TBCK: variants seen among roughly 807,000 people sequenced by gnomAD.
The protein encoded by TBCK is TBC domain-containing protein kinase-like protein.
In TBCK, 99 loss-of-function variants were observed where a neutral mutation model predicts 113.4. The observed-to-expected ratio is 0.87, with a 90% CI of 0.74 to 1.03. The LOEUF (loss-of-function observed/expected upper bound fraction) is 1.03. Among genes scored for constraint, TBCK ranks in the 50% least tolerant of loss-of-function variants. The probability of loss-of-function intolerance (pLI) is 0.00; values close to 1 mark genes in which losing one functional copy is unlikely to be tolerated. For synonymous variants in TBCK, 369 were observed against 370.8 expected (o/e 1.00, Z 0.05); for missense variants, 1,045 against 1,061.3 (o/e 0.98, Z 0.21).
chr4:106,112,798 T>C (rs935866157), intron 24 of TBCK, among the ~76,000 whole-genome samples: 1 of 152,170 alleles, frequency 6.6e-6, no homozygotes, highest in Non-Finnish European at 1.5e-5. Flanking sequence ...AGTTAGAACA[T>C]CACTGTTTGA....
Position 106,170,950 on chromosome 4 carries a change from T to A in TBCK, c.2235+145A>T, listed in dbSNP as rs537237691. On this transcript the variant is annotated intron_variant, in intron 23 of 25. Transcript: ENST00000394708. ...TAGATATAATGGTTTTCTGGAATAT[T>A]TCTATGAATCAAATCATGTGTTAGA... 10 of 628,452 alleles carry A rather than the reference T, an allele frequency of 1.6e-5. No homozygotes were observed. In the East Asian group the frequency reaches 2.9e-4, roughly 18 times the overall value. The allele number at this position is 628,452 out of a possible 1,614,324, so 38.9% of individuals were successfully genotyped here. A position where few individuals can be genotyped will look rare whatever the true frequency, so the allele number is the denominator to read the frequency against.
At chr4:106,109,839 T>C (rs1742617665) in intron 24 of TBCK, among the ~76,000 whole-genome samples, 1 of 152,006 alleles carries the variant, frequency 6.6e-6, no homozygotes, top group Admixed American at 6.6e-5. Context: ...AAACAGACTG[T>C]AGGAGATTGG....
intron 24 of TBCK, among the ~76,000 whole-genome samples, chr4:106,112,725 T>TA (rs1743011602): frequency 6.6e-6 from 1 of 152,122 alleles, no homozygotes; most frequent in Non-Finnish European, 1.5e-5. Flanking sequence ...TTATCATACA[T>TA]ATTTGAGCCC....
chr4:106,234,442 G>T (rs1759225453), intron 15 of TBCK, among the ~76,000 whole-genome samples: 1 of 152,000 alleles, frequency 6.6e-6, no homozygotes, highest in Non-Finnish European at 1.5e-5. Flanking sequence ...AAATAGTTGA[G>T]GATTTCTAAA....
intron 25 of TBCK, among the ~76,000 whole-genome samples, chr4:106,084,253 G>A: frequency 6.6e-6 from 1 of 152,132 alleles, no homozygotes; most frequent in East Asian, 1.9e-4. Context: ...ACGACCTGAA[G>A]GGGCTGGAAA....
At chr4:106,109,567 A>G (rs890815351) in intron 24 of TBCK, among the ~76,000 whole-genome samples, 1 of 152,248 alleles carries the variant, frequency 6.6e-6, no homozygotes, top group African/African-American at 2.4e-5. Context: ...ATAACTGGCT[A>G]GTCATATGCG....
At chr4:106,275,322 C>T (rs774831342) in intron 3 of TBCK, among the ~76,000 whole-genome samples, 3 of 151,898 alleles carry the variant, frequency 2.0e-5, no homozygotes, top group Admixed American at 6.6e-5. Flanking sequence ...CAGCTAAGAC[C>T]GTATATAATG....
intron 25 of TBCK, among the ~76,000 whole-genome samples, chr4:106,051,777 T>C (rs1734841166): frequency 6.6e-6 from 1 of 151,838 alleles, no homozygotes; most frequent in Non-Finnish European, 1.5e-5. Context: ...GAGTACAGTG[T>C]GGTCTTGGAA....
intron 23 of TBCK, among the ~76,000 whole-genome samples, chr4:106,168,154 G>A (rs969633682): frequency 6.6e-6 from 1 of 151,806 alleles, no homozygotes; most frequent in East Asian, 1.9e-4. Flanking sequence ...CCATGAACAA[G>A]TAGAATTTAT....
At chr4:106,108,223 T>C (rs1317205912) in intron 24 of TBCK, among the ~76,000 whole-genome samples, 1 of 152,054 alleles carries the variant, frequency 6.6e-6, no homozygotes, top group Non-Finnish European at 1.5e-5. Flanking sequence ...TCCAAAAAAA[T>C]TGAGAAGAAG....
intron 2 of TBCK, among the ~76,000 whole-genome samples, chr4:106,305,991 T>G (rs1055504243): frequency 1.3e-5 from 2 of 152,192 alleles, no homozygotes; most frequent in African/African-American, 4.8e-5. Flanking sequence ...ACTCTGGCTA[T>G]GGAGTAGCCT....
chr4:106,259,937 C>A (rs1579428139), intron 5 of TBCK, among the ~76,000 whole-genome samples: 1 of 152,010 alleles, frequency 6.6e-6, no homozygotes, highest in African/African-American at 2.4e-5. Flanking sequence ...ATAAACCTTT[C>A]TGAACTTAAA....
intron 22 of TBCK, among the ~76,000 whole-genome samples, chr4:106,181,256 T>C (rs1218593608): frequency 6.6e-6 from 1 of 152,226 alleles, no homozygotes; most frequent in Non-Finnish European, 1.5e-5. Flanking sequence ...TCTTTATAGA[T>C]GCTGGATATT....
intron 20 of TBCK, among the ~76,000 whole-genome samples, chr4:106,212,084 C>T (rs993497652): frequency 5.3e-5 from 8 of 152,068 alleles, no homozygotes; most frequent in African/African-American, 1.4e-4. Context: ...TTTGCACCCA[C>T]GCTACCACTT....
At chr4:106,088,844 C>G (rs879860170) in intron 25 of TBCK, among the ~76,000 whole-genome samples, 3 of 152,102 alleles carry the variant, frequency 2.0e-5, no homozygotes, top group African/African-American at 7.2e-5. Flanking sequence ...AACCAAACAC[C>G]GCATGTTCTC....
At chr4:106,091,055 G>A (rs575885638) in intron 25 of TBCK, among the ~76,000 whole-genome samples, 1 of 151,722 alleles carries the variant, frequency 6.6e-6, no homozygotes, top group South Asian at 2.1e-4. Flanking sequence ...ATCTGTGTTA[G>A]TTTGTTCTTG....
At chr4:106,121,234 A>G (rs895931170) in intron 23 of TBCK, among the ~76,000 whole-genome samples, 1 of 151,592 alleles carries the variant, frequency 6.6e-6, no homozygotes, top group African/African-American at 2.4e-5. Context: ...CTAGTCTCTG[A>G]TAAAACAGAC....
In TBCK at chr4:106,043,677, GA is replaced by G. The variant is rs1324390682; in HGVS notation, c.*2892del. On this transcript the variant is annotated 3_prime_UTR_variant, in exon 26 of 26. Transcript: ENST00000394708. ...AGCATGGGGAAGCCAGAGAAGACTG[GA>G]GGAGGTACACTGTTGTTGCTAGATT... is the stretch of plus-strand genomic sequence containing the variant. 1 of 152,132 alleles carries G rather than the reference GA, an allele frequency of 6.6e-6. No homozygotes were observed. Among genetic ancestry groups the G allele is most frequent in the Non-Finnish European group, 1.5e-5 (1 of 68,044 alleles). The allele number at this position is 152,132 out of a possible 1,614,324, so 9.4% of individuals were successfully genotyped here.
rs1220262686 is a variant in TBCK at position 106,044,813 on chromosome 4, G to A, written c.*1757C>T. On this transcript the variant is annotated 3_prime_UTR_variant, in exon 26 of 26. Coordinates refer to ENST00000394708, the MANE Select transcript of TBCK (RefSeq NM_001163435.3). ...GTATATCTCAATTTAAAAAGTAGAT[G>A]CAAAGAAAAAATAAAATAAAGTAAA... 1 of 152,126 alleles carries A rather than the reference G, an allele frequency of 6.6e-6. No homozygotes were observed. Among genetic ancestry groups the A allele is most frequent in the Non-Finnish European group, 1.5e-5 (1 of 68,026 alleles). The allele number at this position is 152,126 out of a possible 1,614,324, so 9.4% of individuals were successfully genotyped here.
Sources: allele counts gnomAD v4.1 joint callset (sites outside exome capture counted in the v4.1 genomes callset), GRCh38; gene constraint gnomAD v4.1.1; transcripts MANE v1.5; gene names NCBI Gene and HGNC (gene_info 2026-07-23, HGNC 2026-07-21).